FBXL7: variants seen among roughly 807,000 people sequenced by gnomAD.
The protein encoded by FBXL7 is F-box/LRR-repeat protein 7.
FBXL7 carries 12 observed loss-of-function variants against 38.3 expected under a neutral mutation model. That is an observed-to-expected ratio of 0.31 (90% CI 0.20 to 0.51). FBXL7 has a LOEUF of 0.51. FBXL7 is among the 20% of genes least tolerant of loss of function. The pLI, the probability that FBXL7 is intolerant of heterozygous loss-of-function variation, is 0.98. For missense variants in FBXL7, 567 were observed against 676.4 expected, an observed-to-expected ratio of 0.84 and a Z score of 1.79; for synonymous variants, 297 against 300.9, an observed-to-expected ratio of 0.99 and a Z score of 0.13.
At chr5:15,765,891 T>C (rs933892416) in intron 2 of FBXL7, among the ~76,000 whole-genome samples, 2 of 152,098 alleles carry the variant, frequency 1.3e-5, no homozygotes, top group African/African-American at 4.8e-5. Flanking sequence ...CTACTCTCAT[T>C]TCCTCATCCA....
chr5:15,531,313 T>C (rs1342807171), intron 1 of FBXL7, among the ~76,000 whole-genome samples: 1 of 152,148 alleles, frequency 6.6e-6, no homozygotes, highest in East Asian at 1.9e-4. Context: ...CTCTGAGTAG[T>C]GAGTAGGTGA....
At chr5:15,787,428 G>GAT (rs1737160420) in intron 2 of FBXL7, among the ~76,000 whole-genome samples, 1 of 152,216 alleles carries the variant, frequency 6.6e-6, no homozygotes, top group African/African-American at 2.4e-5. Flanking sequence ...GCCGTGCAGA[G>GAT]ATGGGCCAGG....
At chr5:15,799,794 C>G (rs991078917) in intron 2 of FBXL7, among the ~76,000 whole-genome samples, 1 of 152,170 alleles carries the variant, frequency 6.6e-6, no homozygotes, top group African/African-American at 2.4e-5. Context: ...AAGTCTGTTC[C>G]ATCATCTGGC....
intron 2 of FBXL7, among the ~76,000 whole-genome samples, chr5:15,814,996 G>A (rs1056352935): frequency 6.6e-6 from 1 of 152,106 alleles, no homozygotes; most frequent in South Asian, 2.1e-4. Context: ...TCTCTGATAA[G>A]CAATTATTTC....
intron 2 of FBXL7, among the ~76,000 whole-genome samples, chr5:15,621,507 G>A (rs1412871074): frequency 1.3e-5 from 2 of 152,124 alleles, no homozygotes; most frequent in African/African-American, 2.4e-5. Context: ...GCCCATGGTT[G>A]GAATAGAGCA....
chr5:15,790,422 G>A (rs549466137), intron 2 of FBXL7, among the ~76,000 whole-genome samples: 18 of 152,066 alleles, frequency 1.2e-4, no homozygotes, highest in Non-Finnish European at 2.4e-4. Context: ...GAGCTTTAAC[G>A]AGGTAACCCA....
intron 1 of FBXL7, among the ~76,000 whole-genome samples, chr5:15,515,863 A>G (rs1453610761): frequency 6.6e-6 from 1 of 152,040 alleles, no homozygotes; most frequent in Non-Finnish European, 1.5e-5. Context: ...TTACACTCAA[A>G]TAACATTCCA....
At chr5:15,534,857 G>C (rs1350693724) in intron 1 of FBXL7, among the ~76,000 whole-genome samples, 2 of 152,186 alleles carry the variant, frequency 1.3e-5, no homozygotes. Flanking sequence ...CATTCTGATA[G>C]GTGTCTGGTT....
intron 2 of FBXL7, among the ~76,000 whole-genome samples, chr5:15,690,226 A>C (rs1743138714): frequency 6.6e-6 from 1 of 152,232 alleles, no homozygotes; most frequent in Admixed American, 6.5e-5. Context: ...CAGTTACTTA[A>C]AATAATCAGT....
chr5:15,728,501 A>G (rs1449106546), intron 2 of FBXL7, among the ~76,000 whole-genome samples: 1 of 152,146 alleles, frequency 6.6e-6, no homozygotes, highest in Non-Finnish European at 1.5e-5. Context: ...CAAACTTTTA[A>G]TGTGCAATTT....
At chr5:15,817,153 C>T (rs1738039883) in intron 2 of FBXL7, among the ~76,000 whole-genome samples, 1 of 152,108 alleles carries the variant, frequency 6.6e-6, no homozygotes, top group South Asian at 2.1e-4. Flanking sequence ...GAATGACATC[C>T]CTTACAACTT....
chr5:15,501,056 G>T lies in FBXL7; in HGVS notation c.37+343G>T, dbSNP rs931894790. On this transcript the variant is annotated intron_variant, in intron 1 of 3. Transcript: ENST00000504595. ...GATGGTTTGGCAGATGGCGGAAGAC[G>T]TTTTTGAAAAATAACTCAGTGAAAA... Among the ~76,000 whole-genome samples the T allele has an allele frequency of 1.1e-4, 17 of 152,298 alleles. No homozygotes were observed. In the East Asian group the frequency reaches 2.3e-3, roughly 21 times the overall value.
chr5:15,518,626 AG>A (rs1004755318), intron 1 of FBXL7, among the ~76,000 whole-genome samples: 16 of 152,146 alleles, frequency 1.1e-4, no homozygotes, highest in Non-Finnish European at 2.2e-4. Flanking sequence ...AAGATTCTAG[AG>A]GTCTCCATCC....
intron 2 of FBXL7, among the ~76,000 whole-genome samples, chr5:15,755,396 G>T (rs1736268978): frequency 1.3e-5 from 2 of 152,066 alleles, no homozygotes; most frequent in South Asian, 4.1e-4. Context: ...GCTTTGCTCT[G>T]TGTGTGTGCG....
chr5:15,876,559 T>C (rs1032540736), intron 2 of FBXL7, among the ~76,000 whole-genome samples: 2 of 152,196 alleles, frequency 1.3e-5, no homozygotes, highest in Non-Finnish European at 2.9e-5. Flanking sequence ...TGTTCAAAGG[T>C]TTCTCTTCAT....
At chr5:15,711,137 A>G (rs1327108757) in intron 2 of FBXL7, among the ~76,000 whole-genome samples, 1 of 152,216 alleles carries the variant, frequency 6.6e-6, no homozygotes, top group Non-Finnish European at 1.5e-5. Flanking sequence ...TCCCAGCCAC[A>G]TGAAACTGTA....
intron 2 of FBXL7, among the ~76,000 whole-genome samples, chr5:15,803,688 C>T (rs1004526230): frequency 3.9e-5 from 6 of 152,074 alleles, no homozygotes; most frequent in African/African-American, 1.4e-4. Context: ...AGCCTTTTCT[C>T]CAAAGGCTTG....
At chr5:15,841,903 C>A (rs533570761) in intron 2 of FBXL7, among the ~76,000 whole-genome samples, 3 of 152,238 alleles carry the variant, frequency 2.0e-5, no homozygotes, top group African/African-American at 7.2e-5. Flanking sequence ...TATGGAAACA[C>A]CTGGATGTCC....
intron 1 of FBXL7, among the ~76,000 whole-genome samples, chr5:15,519,609 A>G (rs1580348892): frequency 6.6e-6 from 1 of 152,172 alleles, no homozygotes; most frequent in Admixed American, 6.5e-5. Context: ...GACGGAAGGA[A>G]GTTAGAATGT....
Sources: gnomAD v4.1 joint callset for allele counts (sites outside exome capture counted in the v4.1 genomes callset) on GRCh38, gnomAD v4.1.1 for gene constraint, MANE v1.5 for transcripts, NCBI Gene and HGNC (gene_info 2026-07-23, HGNC 2026-07-21) for gene names.